Variants in TNFAIP8L1 observed in about 807,000 individuals in gnomAD.
TNFAIP8L1 encodes the protein tumor necrosis factor alpha-induced protein 8-like protein 1.
For missense variants in TNFAIP8L1, 225 were observed against 266.1 expected, an observed-to-expected ratio of 0.85 and a Z score of 1.08; for synonymous variants, 127 against 125.6, an observed-to-expected ratio of 1.01 and a Z score of -0.08.
intron 1 of TNFAIP8L1, among the ~76,000 whole-genome samples, chr19:4,648,209 CT>C (rs2088329719): frequency 6.6e-6 from 1 of 152,356 alleles, no homozygotes; most frequent in African/African-American, 2.4e-5. Context: ...ATCCCAGAAG[CT>C]GTAGCAGGCT....
chr19:4,644,215 C>T (rs920787311), intron 1 of TNFAIP8L1, among the ~76,000 whole-genome samples: 12 of 150,084 alleles, frequency 8.0e-5, no homozygotes, highest in Non-Finnish European at 1.6e-4. Context: ...GAGTGAAACT[C>T]CGTCTCAAAA....
rs58019387 is a variant in TNFAIP8L1 at position 4,645,706 on chromosome 19, C to CAAAA, written c.-4+6091_-4+6094dup. On this transcript the variant is annotated intron_variant, in intron 1 of 1. Transcript: ENST00000327473. The surrounding 1 kb of genome is among the most constrained non-coding windows in gnomAD (Gnocchi z 4.1). ...GAGGCTGAGGCAGGAGGATCCGTCT[C>CAAAA]AAAAAAAAAAAAAAAAAGGAATATA... Among the ~76,000 whole-genome samples the CAAAA allele has an allele frequency of 2.2e-5, 2 of 92,826 alleles. No homozygotes were observed. Among genetic ancestry groups the CAAAA allele is most frequent in the South Asian group, 3.4e-4 (1 of 2,902 alleles). The allele number at this position is 92,826 out of a possible 152,430, so 60.9% of individuals were successfully genotyped here. A position where few individuals can be genotyped will look rare whatever the true frequency, so the allele number is the denominator to read the frequency against.
intron 1 of TNFAIP8L1, among the ~76,000 whole-genome samples, chr19:4,649,029 G>T (rs920960072): frequency 3.3e-5 from 5 of 149,528 alleles, no homozygotes; most frequent in African/African-American, 4.9e-5. Flanking sequence ...TCCTGGGTTC[G>T]AGCGATTCTC....
chr19:4,646,021 CT>C (rs2088307165), intron 1 of TNFAIP8L1, among the ~76,000 whole-genome samples: 1 of 152,218 alleles, frequency 6.6e-6, no homozygotes, highest in East Asian at 1.9e-4. Flanking sequence ...GGCCCAGCCT[CT>C]CCCTAGAGAG....
intron 1 of TNFAIP8L1, among the ~76,000 whole-genome samples, chr19:4,651,315 A>G (rs945623009): frequency 6.6e-6 from 1 of 152,032 alleles, no homozygotes; most frequent in African/African-American, 2.4e-5. Flanking sequence ...GTTTATAATA[A>G]TAATCATAAT....
Position 4,652,485 on chromosome 19 carries a change from C to G in TNFAIP8L1, c.*55C>G, listed in dbSNP as rs2088379507. On this transcript the variant is annotated 3_prime_UTR_variant, in exon 2 of 2. Transcript: ENST00000327473. ...CGCCTTTTGGGGCTCTCCTGCTGGG[C>G]GCGGGTGGGGTTTGTGGGTTTTTTT... 1.4e-6 allele frequency: 2 copies of G among 1,440,660 alleles called. No individual in the cohort carries two copies. The highest frequency in any genetic ancestry group is 2.7e-5 in the Admixed American group (1 of 37,128). 89.2% of individuals were successfully genotyped at this position (1,440,660 alleles called of 1,614,324 possible). A position where few individuals can be genotyped will look rare whatever the true frequency, so the allele number is the denominator to read the frequency against.
At chr19:4,642,718 G>C (rs72977935) in intron 1 of TNFAIP8L1, among the ~76,000 whole-genome samples, 10 of 150,728 alleles carry the variant, frequency 6.6e-5, no homozygotes, top group Non-Finnish European at 5.9e-5. Context: ...CGTGGGGCTG[G>C]AGCAGTGAGG....
intron 1 of TNFAIP8L1, among the ~76,000 whole-genome samples, chr19:4,650,366 G>C (rs2088350664): frequency 6.6e-6 from 1 of 152,040 alleles, no homozygotes; most frequent in South Asian, 2.1e-4. Flanking sequence ...AGGGTATTGA[G>C]GTCCACAGGG....
rs762877548 is a variant in TNFAIP8L1 at position 4,652,191 on chromosome 19, G to A, written c.322G>A (p.Asp108Asn). ...AMTAVSFHQV[D>N]FTFDRRVLAA... ...GACGGCCGTCAGCTTCCACCAGGTGGACTTCACCTTCGACCGGCGCGTGCT... is the reference window on the plus strand; with the variant it reads ...GACGGCCGTCAGCTTCCACCAGGTGAACTTCACCTTCGACCGGCGCGTGCT... Residue 108 changes from aspartate to asparagine, a missense_variant, in exon 2 of 2, where the codon GAC (aspartate) becomes AAC (asparagine). Coordinates refer to ENST00000327473, the MANE Select transcript of TNFAIP8L1 (RefSeq NM_152362.3). 1.3e-6 allele frequency: 2 copies of A among 1,547,876 alleles called. No individual in the cohort carries two copies. Among genetic ancestry groups the A allele is most frequent in the Non-Finnish European group, 1.7e-6 (2 of 1,148,002 alleles).
In TNFAIP8L1 at chr19:4,652,081, G is replaced by A. The variant is rs753612917; in HGVS notation, c.212G>A (p.Gly71Glu). The change falls in exon 2 of 2, where the codon GGA becomes GAA. Residue 71 changes from glycine to glutamate, a missense_variant. Transcript: ENST00000327473. ...CTGGTCAAGGTGGCCCTGAAGCTGG[G>A]ACTGCTGCTGCGTGGGGACCAGCTG... is the stretch of plus-strand genomic sequence containing the variant. ...KNLVKVALKLGLLLRGDQLGG... is the reference protein window; with the variant it reads ...KNLVKVALKLELLLRGDQLGG... The A allele has an allele frequency of 1.2e-6, 2 of 1,606,244 alleles. No individual in the cohort carries two copies. Among genetic ancestry groups the A allele is most frequent in the Non-Finnish European group, 1.7e-6 (2 of 1,176,512 alleles).
In TNFAIP8L1 at chr19:4,654,857, A is replaced by C. The variant is rs2088408943; in HGVS notation, c.*2427A>C. On this transcript the variant is annotated 3_prime_UTR_variant, in exon 2 of 2. Transcript: ENST00000327473. ...TTGCAAAATGCTGCTGCAGGTCAGGAAGGTTATTTTGGGTGCCTGTGGGGG... is the reference window on the plus strand; with the variant it reads ...TTGCAAAATGCTGCTGCAGGTCAGGCAGGTTATTTTGGGTGCCTGTGGGGG... 6.6e-6 allele frequency: 1 copy of C among 152,004 alleles called. No individual in the cohort carries two copies. 9.4% of individuals were successfully genotyped at this position (152,004 alleles called of 1,614,324 possible). A position where few individuals can be genotyped will look rare whatever the true frequency, so the allele number is the denominator to read the frequency against.
intron 1 of TNFAIP8L1, among the ~76,000 whole-genome samples, chr19:4,651,406 C>G (rs897109373): frequency 6.6e-6 from 1 of 151,758 alleles, no homozygotes; most frequent in East Asian, 1.9e-4. Flanking sequence ...TCTCAAACTC[C>G]TGGCCTCGCA....
intron 1 of TNFAIP8L1, among the ~76,000 whole-genome samples, chr19:4,644,831 C>T (rs138857722): frequency 6.6e-6 from 1 of 151,980 alleles, no homozygotes; most frequent in Non-Finnish European, 1.5e-5. Flanking sequence ...GGACTCCCGA[C>T]CTAAGGTGAT....
At chr19:4,644,377 CAAAA>C (rs527729094) in intron 1 of TNFAIP8L1, among the ~76,000 whole-genome samples, 1 of 121,864 alleles carries the variant, frequency 8.2e-6, no homozygotes. Flanking sequence ...CCATGTCTAC[CAAAA>C]AAAAAAAAAA....
rs1278886940 is a variant in TNFAIP8L1 at position 4,652,265 on chromosome 19, T to G, written c.396T>G (p.Gly132=). Residue 132 remains glycine, a synonymous_variant, in exon 2 of 2, where the codon GGT becomes GGG. Coordinates refer to ENST00000327473, the MANE Select transcript of TNFAIP8L1 (RefSeq NM_152362.3). ...GCGACCTGCTGCACCAGGCCGTGGG[T>G]CCCCACCTGACCGCCAAGTCCCACG... ...ECRDLLHQAV[G]PHLTAKSHGR... 3 of 1,563,472 alleles carry G rather than the reference T, an allele frequency of 1.9e-6. No homozygotes were observed. In the African/African-American group the frequency reaches 4.1e-5, roughly 21 times the overall value.
chr19:4,642,675 C>T (rs1391780603), intron 1 of TNFAIP8L1, among the ~76,000 whole-genome samples: 6 of 149,500 alleles, frequency 4.0e-5, no homozygotes, highest in Non-Finnish European at 7.4e-5. Context: ...GGCAAGATGG[C>T]GCCTGGCATG....
At chr19:4,640,440 G>A (rs1376623662) in intron 1 of TNFAIP8L1, 1 of 152,280 alleles carries the variant, frequency 6.6e-6, no homozygotes, top group Non-Finnish European at 1.5e-5. Context: ...TCCCAGCTCA[G>A]CTGGAGGCGA....
Position 4,652,527 on chromosome 19 carries a change from A to G in TNFAIP8L1, c.*97A>G. 2 of 1,260,798 alleles carry G rather than the reference A, an allele frequency of 1.6e-6. No individual in the cohort carries two copies. The highest frequency in any genetic ancestry group is 2.1e-6 in the Non-Finnish European group (2 of 931,062). 78.1% of individuals were successfully genotyped at this position (1,260,798 alleles called of 1,614,324 possible). On this transcript the variant is annotated 3_prime_UTR_variant, in exon 2 of 2. Transcript: ENST00000327473. ...GGTTTTTTTCCACCTCTTTTCTCCC[A>G]ATCGGACTCCGGCCAAACTCCCCTA...
At chr19:4,649,455 A>G (rs1250873396) in intron 1 of TNFAIP8L1, among the ~76,000 whole-genome samples, 2 of 152,164 alleles carry the variant, frequency 1.3e-5, no homozygotes, top group African/African-American at 4.8e-5. Flanking sequence ...ACTGAGGCAC[A>G]TTGTTAAGTT....
Sources: gnomAD v4.1 joint callset for allele counts (sites outside exome capture counted in the v4.1 genomes callset) on GRCh38, gnomAD v4.1.1 for gene constraint, Gnocchi (gnomAD v3.1) non-coding constraint, MANE v1.5 for transcripts, NCBI Gene and HGNC (gene_info 2026-07-23, HGNC 2026-07-21) for gene names.